TLN2: variants seen among roughly 807,000 people sequenced by gnomAD.
TLN2 encodes the protein talin-2.
Under a neutral mutation model 294.7 loss-of-function variants are expected in TLN2, and 118 were observed. That is an observed-to-expected ratio of 0.40 (90% CI 0.34 to 0.47). The LOEUF (loss-of-function observed/expected upper bound fraction) is 0.47. Ranked by LOEUF, TLN2 falls within the 20% of genes least tolerant of loss-of-function variation. The pLI, the probability that TLN2 is intolerant of heterozygous loss-of-function variation, is 0.84. For missense variants in TLN2, 3,083 were observed against 3,282.2 expected, an observed-to-expected ratio of 0.94 and a Z score of 1.48; for synonymous variants, 1,431 against 1,304.5, an observed-to-expected ratio of 1.10 and a Z score of -2.09.
rs150742531 is a variant in TLN2, at chr15:62,708,643, G to A, written c.2314G>A (p.Ala772Thr). 245 of 1,614,194 alleles carry A rather than the reference G, an allele frequency of 1.5e-4. No individual in the cohort carries two copies. The highest frequency in any genetic ancestry group is 9.9e-4 in the Middle Eastern group (6 of 6,062). ...TDSELLKQVS[A>T]AASVVSQALH... ...TAGTGAGCTCCTGAAGCAGGTCAGCGCAGCGGCCAGCGTGGTCAGCCAGGC... is the reference window on the plus strand; with the variant it reads ...TAGTGAGCTCCTGAAGCAGGTCAGCACAGCGGCCAGCGTGGTCAGCCAGGC... The change falls in exon 21 of 59, where the codon GCA becomes ACA. Residue 772 changes from alanine to threonine, a missense_variant. Transcript: ENST00000636159.
chr15:62,793,092 A>C (rs1187903718), intron 46 of TLN2, among the ~76,000 whole-genome samples: 1 of 152,214 alleles, frequency 6.6e-6, no homozygotes, highest in Non-Finnish European at 1.5e-5. Flanking sequence ...ATCAGCAGCC[A>C]GGAGCCCCTG....
At chr15:62,647,585 C>G (rs1032448239) in intron 4 of TLN2, 139 bp downstream of exon 4, 2 of 1,174,978 alleles carry the variant, frequency 1.7e-6, no homozygotes, top group Admixed American at 2.2e-5. Flanking sequence ...TTAGATCAGA[C>G]ACTACCTGCT....
chr15:62,759,487 C>T (rs1308445061), intron 37 of TLN2, among the ~76,000 whole-genome samples: 1 of 152,178 alleles, frequency 6.6e-6, no homozygotes, highest in Non-Finnish European at 1.5e-5. Context: ...CTGTCTGTGA[C>T]ACCTACACAA....
intron 54 of TLN2, among the ~76,000 whole-genome samples, chr15:62,821,511 C>T (rs1406812823): frequency 6.6e-6 from 1 of 152,242 alleles, no homozygotes. Context: ...AGTCTGGGCC[C>T]TGAAACAGAG....
chr15:62,569,864 A>G (rs1183917494), intron 1 of TLN2, among the ~76,000 whole-genome samples: 2 of 152,212 alleles, frequency 1.3e-5, no homozygotes, highest in Non-Finnish European at 2.9e-5. Context: ...GAGGTCAGAC[A>G]TGGGTTATAT....
At chr15:62,675,057 G>C (rs963458953) in intron 10 of TLN2, among the ~76,000 whole-genome samples, 160 bp from the exon 11 acceptor site, 4 of 152,144 alleles carry the variant, frequency 2.6e-5, no homozygotes, top group African/African-American at 2.4e-5. Flanking sequence ...TCTGATCCTT[G>C]GTCAGCAGTT....
chr15:62,571,490 T>C (rs978091843), intron 1 of TLN2, among the ~76,000 whole-genome samples: 2 of 152,248 alleles, frequency 1.3e-5, no homozygotes, highest in Non-Finnish European at 2.9e-5. Flanking sequence ...TTTTTATCAT[T>C]TTTTAAAAAC....
intron 32 of TLN2, among the ~76,000 whole-genome samples, chr15:62,746,593 G>A (rs1404101588): frequency 6.6e-6 from 1 of 152,194 alleles, no homozygotes; most frequent in Non-Finnish European, 1.5e-5. Flanking sequence ...TTGTACATTG[G>A]CAACATCATT....
At chr15:62,788,341 A>G (rs1041944843) in intron 45 of TLN2, among the ~76,000 whole-genome samples, 6 of 152,182 alleles carry the variant, frequency 3.9e-5, no homozygotes, top group African/African-American at 1.4e-4. Context: ...TTTCCTTTCA[A>G]GGATGTTCCC....
intron 52 of TLN2, among the ~76,000 whole-genome samples, chr15:62,812,512 CA>C (rs1358414588): frequency 6.6e-6 from 1 of 152,078 alleles, no homozygotes; most frequent in African/African-American, 2.4e-5. Flanking sequence ...CATTCTCCAG[CA>C]AAAATGCAGC....
At chr15:62,719,375 C>T (rs1567447728) in intron 24 of TLN2, among the ~76,000 whole-genome samples, 1 of 152,208 alleles carries the variant, frequency 6.6e-6, no homozygotes, top group South Asian at 2.1e-4. Flanking sequence ...ATTTCCCTCA[C>T]CTTCTGAACA....
intron 1 of TLN2, among the ~76,000 whole-genome samples, chr15:62,530,463 T>C (rs2040982047): frequency 6.6e-6 from 1 of 152,134 alleles, no homozygotes; most frequent in African/African-American, 2.4e-5. Context: ...GTTCAAGTGA[T>C]TTTCCTGCCC....
chr15:62,486,877 G>A (rs1193842525), intron 1 of TLN2, among the ~76,000 whole-genome samples: 2 of 151,086 alleles, frequency 1.3e-5, no homozygotes, highest in Non-Finnish European at 2.9e-5. Context: ...TGCAGGGTCT[G>A]CTCTTCGATA....
At chr15:62,571,577 C>T (rs79021268) in intron 1 of TLN2, among the ~76,000 whole-genome samples, 1,600 of 152,270 alleles carry the variant, frequency 0.011, 25 homozygotes, top group African/African-American at 0.037. Context: ...ACTTTACCTT[C>T]ATGTGTTGCC....
chr15:62,518,188 G>A (rs1318666559), intron 1 of TLN2, among the ~76,000 whole-genome samples: 3 of 152,064 alleles, frequency 2.0e-5, no homozygotes, highest in Admixed American at 1.3e-4. Context: ...ACAGGCATGC[G>A]TCACCACGTC....
intron 3 of TLN2, among the ~76,000 whole-genome samples, chr15:62,625,947 G>C (rs1175861308): frequency 6.6e-6 from 1 of 152,144 alleles, no homozygotes; most frequent in Non-Finnish European, 1.5e-5. Flanking sequence ...TGTAGGTGGG[G>C]TAGGGCCTGA....
chr15:62,810,063 G>C (rs1220543536), intron 52 of TLN2, 31 bp downstream of exon 52: 1 of 1,564,592 alleles, frequency 6.4e-7, no homozygotes. Context: ...GGGCTGGGGA[G>C]TAGCTGTGTC....
intron 1 of TLN2, among the ~76,000 whole-genome samples, chr15:62,552,892 A>T (rs1282965973): frequency 6.6e-6 from 1 of 152,228 alleles, no homozygotes; most frequent in Non-Finnish European, 1.5e-5. Context: ...TTCAGTATTC[A>T]CAGAGACTTC....
chr15:62,526,114 A>G (rs1263139842), intron 1 of TLN2, among the ~76,000 whole-genome samples: 1 of 152,096 alleles, frequency 6.6e-6, no homozygotes, highest in African/African-American at 2.4e-5. Context: ...TAAGCAAAAG[A>G]TTTAAGGGAA....
Sources: allele counts gnomAD v4.1 joint callset (sites outside exome capture counted in the v4.1 genomes callset), GRCh38; gene constraint gnomAD v4.1.1; transcripts MANE v1.5; gene names NCBI Gene and HGNC (gene_info 2026-07-23, HGNC 2026-07-21).